The following NOTCH1 variants were observed in gnomAD, a reference collection of about 807,000 sequenced individuals.
NOTCH1 encodes the protein neurogenic locus notch homolog protein 1.
Under a neutral mutation model 254.8 loss-of-function variants are expected in NOTCH1, and 37 were observed. The ratio of observed to expected loss-of-function variants is 0.15; its 90% CI spans 0.11 to 0.19. The LOEUF is 0.19. Among genes scored for constraint, NOTCH1 ranks in the 10% least tolerant of loss-of-function variants. NOTCH1 has a pLI of 1.00. For missense variants in NOTCH1, 2,972 were observed against 3,708.6 expected (o/e 0.80, Z 5.16); for synonymous variants, 1,731 against 1,618.1 (o/e 1.07, Z -1.68).
At chr9:136,511,360 G>C (rs1169564071) in intron 15 of NOTCH1, 89 bp from the exon 16 acceptor site, 2 of 1,492,154 alleles carry the variant, frequency 1.3e-6, no homozygotes, top group South Asian at 2.4e-5. Context: ...TCCGCCATCA[G>C]AGTGCCGTCT....
chr9:136,494,452 A>C lies in NOTCH1; in HGVS notation c.*1619T>G. 1 of 399,040 alleles carries C rather than the reference A, an allele frequency of 2.5e-6. No individual in the cohort carries two copies. Among genetic ancestry groups the C allele is most frequent in the Admixed American group, 4.4e-5 (1 of 22,744 alleles). The allele number at this position is 399,040 out of a possible 1,614,324, so 24.7% of individuals were successfully genotyped here. A position where few individuals can be genotyped will look rare whatever the true frequency, so the allele number is the denominator to read the frequency against. ...GGGGAGTGGAAGCCAGATCACCATC[A>C]GTATCATTTTTATTGCAAATCAGTT... On this transcript the variant is annotated 3_prime_UTR_variant, in exon 34 of 34. Coordinates refer to ENST00000651671, the MANE Select transcript of NOTCH1 (RefSeq NM_017617.5).
At position 136,515,650 on chromosome 9, in the gene NOTCH1, G is replaced by A. The variant is rs1458789810; in HGVS notation, c.1736C>T (p.Ser579Phe). The A allele has an allele frequency of 1.9e-6, 3 of 1,591,230 alleles. No individual in the cohort carries two copies. Among genetic ancestry groups the A allele is most frequent in the South Asian group, 2.2e-5 (2 of 89,010 alleles). ...ECDPDPCHYGSCKDGVATFTC... is the reference protein window; with the variant it reads ...ECDPDPCHYGFCKDGVATFTC... ...GAAGGTGGCGACGCCGTCCTTGCAG[G>A]AGCCGTAGTGGCAGGGGTCGGGGTC... is the stretch of plus-strand genomic sequence containing the variant. Residue 579 changes from serine to phenylalanine, a missense_variant, in exon 11 of 34, where the codon TCC (serine) becomes TTC (phenylalanine). Ser to Phe is a radical substitution (Grantham distance 155, BLOSUM62 -2). Coordinates refer to ENST00000651671, the MANE Select transcript of NOTCH1 (RefSeq NM_017617.5).
intron 30 of NOTCH1, 37 bp from the exon 31 acceptor site, chr9:136,500,884 C>T (rs187738030): frequency 3.8e-5 from 59 of 1,546,536 alleles, no homozygotes; most frequent in African/African-American, 2.2e-4. Flanking sequence ...TCTGGAGGGC[C>T]GGTCCCCAGC....
At chr9:136,538,036 C>A (rs149615556) in intron 2 of NOTCH1, among the ~76,000 whole-genome samples, 3 of 152,138 alleles carry the variant, frequency 2.0e-5, no homozygotes, top group Non-Finnish European at 2.9e-5. Context: ...GCCAAGACTG[C>A]GTCACTCTAA....
At position 136,525,843 on chromosome 9, in the gene NOTCH1, T is replaced by C. The variant is rs564590994; in HGVS notation, c.141-1864A>G. On this transcript the variant is annotated intron_variant, in intron 2 of 33. Coordinates refer to ENST00000651671, the MANE Select transcript of NOTCH1 (RefSeq NM_017617.5). ...CCCTGTCCCAAAGGCCCGGGAGGCA[T>C]CTGTCTTCCCCGAAGGCTTTTACCC... Among the ~76,000 whole-genome samples the C allele has an allele frequency of 3.9e-5, 6 of 152,352 alleles. No homozygotes were observed. The South Asian group carries it at 1.0e-3, about 26-fold the overall frequency.
At position 136,506,667 on chromosome 9, in the gene NOTCH1, G is replaced by T; in HGVS notation, c.3902-28C>A. On this transcript the variant is annotated intron_variant, in intron 23 of 33. Transcript: ENST00000651671. This position sits in a 1 kb window ranked among gnomAD's most constrained non-coding sequence, Gnocchi z 4.5. ...AGGGGTAAGAGCAGGGCAGTGAGAG[G>T]CTCACCCTGCTGCCCCACACGCCCC... is the stretch of plus-strand genomic sequence containing the variant. The T allele has an allele frequency of 1.3e-6, 2 of 1,598,176 alleles. No individual in the cohort carries two copies. The highest frequency in any genetic ancestry group is 1.7e-6 in the Non-Finnish European group (2 of 1,173,260).
At chr9:136,530,664 C>T (rs952652137) in intron 2 of NOTCH1, among the ~76,000 whole-genome samples, 3 of 152,198 alleles carry the variant, frequency 2.0e-5, no homozygotes, top group Admixed American at 6.5e-5. Flanking sequence ...ATTTCCCACG[C>T]GGATCCCCCA....
At chr9:136,497,975 C>T (rs1220098037) in intron 33 of NOTCH1, among the ~76,000 whole-genome samples, 1 of 152,190 alleles carries the variant, frequency 6.6e-6, no homozygotes, top group Admixed American at 6.5e-5. Flanking sequence ...GCCATCAAGC[C>T]ACCCTGGTGG....
At chr9:136,504,170 G>A (rs1321685535) in intron 26 of NOTCH1, among the ~76,000 whole-genome samples, 4 of 152,248 alleles carry the variant, frequency 2.6e-5, no homozygotes, top group African/African-American at 7.2e-5. Context: ...AACCCCTGGA[G>A]AGCTGAGTGT....
At chr9:136,526,245 G>C (rs1161971700) in intron 2 of NOTCH1, among the ~76,000 whole-genome samples, 1 of 152,266 alleles carries the variant, frequency 6.6e-6, no homozygotes, top group Non-Finnish European at 1.5e-5. Context: ...GGCTGGGCTG[G>C]GCTGGGCTGT....
rs1436432384 is a variant in NOTCH1 at position 136,506,057 on chromosome 9, C to CG, written c.4015-177dup. 1.3e-5 allele frequency among the ~76,000 whole-genome samples: 2 copies of CG among 152,126 alleles called. No individual in the cohort carries two copies. The highest frequency in any genetic ancestry group is 2.9e-5 in the Non-Finnish European group (2 of 68,008). ...ACACATTCTACCAACAGAGAAAGAT[C>CG]GGGGGTGCCAGGGGGTCGGGAGATG... is the stretch of plus-strand genomic sequence containing the variant. On this transcript the variant is annotated intron_variant, in intron 24 of 33. Transcript: ENST00000651671. This position sits in a 1 kb window ranked among gnomAD's most constrained non-coding sequence, Gnocchi z 4.5.
chr9:136,542,143 A>AG (rs1359081289), intron 2 of NOTCH1, among the ~76,000 whole-genome samples: 9 of 152,172 alleles, frequency 5.9e-5, no homozygotes, highest in African/African-American at 1.9e-4. Flanking sequence ...TGTACCCCAA[A>AG]GCACAGCGCT....
At position 136,515,702 on chromosome 9, in the gene NOTCH1, G is replaced by A. The variant is rs1843256337; in HGVS notation, c.1684C>T (p.His562Tyr). Residue 562 changes from histidine to tyrosine, a missense_variant, in exon 11 of 34, where the codon CAC becomes TAC. By Grantham distance (83) the His-to-Tyr change is moderately conservative. Coordinates refer to ENST00000651671, the MANE Select transcript of NOTCH1 (RefSeq NM_017617.5). ...CACTCATCGATGTCCACCTCGCAGT[G>A]CGTCCCCGTGTACCCTGGACCGTGG... The part of the protein sequence containing the change: ...CVCTEGYTGT[H>Y]CEVDIDECDP... 1.9e-6 allele frequency: 3 copies of A among 1,542,060 alleles called. No homozygotes were observed. Among genetic ancestry groups the A allele is most frequent in the Admixed American group, 3.9e-5 (2 of 51,380 alleles).
In NOTCH1 at chr9:136,518,949, CGCCA is replaced by C. The variant is rs1234748387; in HGVS notation, c.866-129_866-126del. On this transcript the variant is annotated intron_variant, in intron 5 of 33. Transcript: ENST00000651671. ...TTCCTGGGCTGACTCCTCCACCCAC[CGCCA>C]GCCTAAATCACTCCTTCCTCTGCAG... 30 of 769,374 alleles carry C rather than the reference CGCCA, an allele frequency of 3.9e-5. No homozygotes were observed. The East Asian group carries it at 4.3e-4, about 11-fold the overall frequency. The allele number at this position is 769,374 out of a possible 1,614,324, so 47.7% of individuals were successfully genotyped here.
chr9:136,502,826 T>G (rs1843021081), intron 27 of NOTCH1: 1 of 566,414 alleles, frequency 1.8e-6, no homozygotes, highest in African/African-American at 1.9e-5. Flanking sequence ...ACTTCAACAC[T>G]TCACATGACA....
rs2133322732 is a variant in NOTCH1 at position 136,499,155 on chromosome 9, G to C, written c.6039C>G (p.Asp2013Glu). ...TGACGTCGGCGTGTGAGTTGATGAGGTCCTCCAGCATGCCCTCCACGGCCA... is the reference window on the plus strand; with the variant it reads ...TGACGTCGGCGTGTGAGTTGATGAGCTCCTCCAGCATGCCCTCCACGGCCA... ...ARLAVEGMLEDLINSHADVNA... is the reference protein window; with the variant it reads ...ARLAVEGMLEELINSHADVNA... Residue 2013 changes from aspartate (D) to glutamate (E), a missense_variant, in exon 32 of 34, where the codon GAC becomes GAG. Asp to Glu is a conservative substitution (Grantham distance 45). Transcript: ENST00000651671. 1 of 1,613,328 alleles carries C rather than the reference G, an allele frequency of 6.2e-7. No homozygotes were observed. Among genetic ancestry groups the C allele is most frequent in the Non-Finnish European group, 8.5e-7 (1 of 1,180,006 alleles).
intron 18 of NOTCH1, among the ~76,000 whole-genome samples, chr9:136,509,496 G>C (rs1016727761): frequency 2.6e-5 from 4 of 152,196 alleles, no homozygotes; most frequent in African/African-American, 9.6e-5. Flanking sequence ...AGAAGGAAGC[G>C]CACCAGTTCT....
rs1234425799 is a variant in NOTCH1, at chr9:136,494,589, C to T, written c.*1482G>A. The T allele has an allele frequency of 2.5e-6, 1 of 398,898 alleles. No individual in the cohort carries two copies. The highest frequency in any genetic ancestry group is 3.5e-5 in the East Asian group (1 of 28,228). 24.7% of individuals were successfully genotyped at this position (398,898 alleles called of 1,614,324 possible). ...TATAAAACACAGTAAAAATCAACATCTTGGGACGCATCTGGTCATGCCCCC... is the reference window on the plus strand; with the variant it reads ...TATAAAACACAGTAAAAATCAACATTTTGGGACGCATCTGGTCATGCCCCC... On this transcript the variant is annotated 3_prime_UTR_variant, in exon 34 of 34. Transcript: ENST00000651671.
rs564864640 is a variant in NOTCH1 at position 136,533,378 on chromosome 9, C to CA, written c.141-9400dup. ...CATGTTCAACCCCTGGCGGCTCCCC[C>CA]AAACCTCTCATTTCCAGTAACTGTG... On this transcript the variant is annotated intron_variant, in intron 2 of 33. Coordinates refer to ENST00000651671, the MANE Select transcript of NOTCH1 (RefSeq NM_017617.5). Among the ~76,000 whole-genome samples the CA allele has an allele frequency of 1.1e-4, 17 of 152,358 alleles. 1 individual carries two copies. In the South Asian group the frequency reaches 3.5e-3, roughly 32 times the overall value.
Sources: allele counts gnomAD v4.1 joint callset (sites outside exome capture counted in the v4.1 genomes callset), GRCh38; gene constraint gnomAD v4.1.1; non-coding constraint Gnocchi (gnomAD v3.1); transcripts MANE v1.5; gene names NCBI Gene and HGNC (gene_info 2026-07-23, HGNC 2026-07-21).